LRRC38: variants seen among roughly 807,000 people sequenced by gnomAD.
LRRC38 encodes the protein leucine-rich repeat-containing protein 38.
In LRRC38, 5 loss-of-function variants were observed where a neutral mutation model predicts 16.4. The observed-to-expected ratio is 0.31, with a 90% CI of 0.16 to 0.64. The LOEUF (loss-of-function observed/expected upper bound fraction) is 0.64, where lower values mean the gene tolerates loss of function less well. Ranked by LOEUF, LRRC38 falls within the 30% of genes least tolerant of loss-of-function variation. The pLI is 0.80. For missense variants in LRRC38, 341 were observed against 401.8 expected, an observed-to-expected ratio of 0.85 and a Z score of 1.29; for synonymous variants, 191 against 190.2, an observed-to-expected ratio of 1.00 and a Z score of -0.04.
At chr1:13,485,546 C>T (rs2999892) in intron 1 of LRRC38, among the ~76,000 whole-genome samples, 1,797 of 151,018 alleles carry the variant, frequency 0.012, 14 homozygotes, top group Non-Finnish European at 0.018. Flanking sequence ...TCAGCCTGGG[C>T]GAGAGCGAGA....
intron 1 of LRRC38, among the ~76,000 whole-genome samples, chr1:13,490,097 T>C (rs1638990561): frequency 6.6e-6 from 1 of 152,160 alleles, no homozygotes; most frequent in Non-Finnish European, 1.5e-5. Flanking sequence ...CATGTGATTT[T>C]TGTAATCTGT....
intron 1 of LRRC38, among the ~76,000 whole-genome samples, chr1:13,491,604 A>C (rs1639013403): frequency 6.6e-6 from 1 of 152,250 alleles, no homozygotes. Flanking sequence ...AGGTAGCTTC[A>C]TGCTAGAGAA....
At chr1:13,484,115 C>T (rs921361412) in intron 1 of LRRC38, among the ~76,000 whole-genome samples, 1 of 152,150 alleles carries the variant, frequency 6.6e-6, no homozygotes, top group African/African-American at 2.4e-5. Context: ...TCCACTCCGC[C>T]TTGCTTGCCG....
At chr1:13,495,945 A>G (rs11578529) in intron 1 of LRRC38, among the ~76,000 whole-genome samples, 23,131 of 151,982 alleles carry the variant, frequency 0.15, 1,950 homozygotes, top group East Asian at 0.26. Flanking sequence ...TTGAACATCA[A>G]TTTTCCTATA....
intron 1 of LRRC38, among the ~76,000 whole-genome samples, chr1:13,507,934 A>T (rs908945183): frequency 1.7e-4 from 26 of 149,716 alleles, no homozygotes; most frequent in Non-Finnish European, 3.1e-4. Context: ...TCAGGGGTTT[A>T]AAAAAAAAGC....
intron 1 of LRRC38, among the ~76,000 whole-genome samples, chr1:13,493,695 C>T (rs1569925311): frequency 6.6e-6 from 1 of 152,080 alleles, no homozygotes; most frequent in East Asian, 1.9e-4. Flanking sequence ...TGGGGACGTG[C>T]CTGAGAGCCG....
At chr1:13,479,811 A>AG (rs900924301) in intron 1 of LRRC38, among the ~76,000 whole-genome samples, 1 of 111,782 alleles carries the variant, frequency 8.9e-6, no homozygotes, top group African/African-American at 3.0e-5. Flanking sequence ...AGCTGGCTAC[A>AG]AAGGCTGTGA....
intron 1 of LRRC38, among the ~76,000 whole-genome samples, chr1:13,500,816 G>C (rs143164583): frequency 2.0e-5 from 3 of 152,278 alleles, no homozygotes; most frequent in Admixed American, 6.5e-5. Flanking sequence ...GTGAACGCCA[G>C]AAAGCATACG....
intron 1 of LRRC38, 39 bp downstream of exon 1, chr1:13,512,924 C>CCCT (rs1557507420): frequency 4.1e-6 from 5 of 1,216,066 alleles, no homozygotes; most frequent in Admixed American, 2.3e-5. Context: ...TCTCCCTGCC[C>CCCT]CCCTCCCTCC....
In LRRC38 at chr1:13,513,646, G is replaced by A. The variant is rs1639304297; in HGVS notation, c.-53C>T. 9.7e-7 allele frequency: 1 copy of A among 1,033,546 alleles called. No individual in the cohort carries two copies. Among genetic ancestry groups the A allele is most frequent in the Non-Finnish European group, 1.2e-6 (1 of 862,176 alleles). 64.0% of individuals were successfully genotyped at this position (1,033,546 alleles called of 1,614,324 possible). A position where few individuals can be genotyped will look rare whatever the true frequency, so the allele number is the denominator to read the frequency against. On this transcript the variant is annotated 5_prime_UTR_variant, in exon 1 of 2. Coordinates refer to ENST00000376085, the MANE Select transcript of LRRC38 (RefSeq NM_001010847.2). ...GAGAAGGAAGCGGCTCTCGGAGCGA[G>A]CCCTGGCGCGGGACGGCGCGGTGAG...
Position 13,513,441 on chromosome 1 carries a change from T to C in LRRC38, c.153A>G (p.Pro51=). The C allele has an allele frequency of 1.3e-6, 2 of 1,549,070 alleles. No individual in the cohort carries two copies. The highest frequency in any genetic ancestry group is 1.2e-5 in the South Asian group (1 of 83,996). Residue 51 remains proline, a synonymous_variant, in exon 1 of 2, where the codon CCA becomes CCG. Coordinates refer to ENST00000376085, the MANE Select transcript of LRRC38 (RefSeq NM_001010847.2). ...DCRDRGLPSV[P]DPFPLDVRKL... ...TGCGCACGTCCAGGGGGAAAGGGTC[T>C]GGCACGCTGGGCAGCCCGCGGTCGC...
At chr1:13,488,589 T>A (rs10803367) in intron 1 of LRRC38, among the ~76,000 whole-genome samples, 23,673 of 152,058 alleles carry the variant, frequency 0.16, 1,896 homozygotes, top group East Asian at 0.24. Context: ...CTTAATTATT[T>A]CCCTAAGATA....
At chr1:13,510,467 C>G (rs937752261) in intron 1 of LRRC38, among the ~76,000 whole-genome samples, 2 of 152,178 alleles carry the variant, frequency 1.3e-5, no homozygotes, top group African/African-American at 4.8e-5. Context: ...ATAAATAATG[C>G]CCTTTTAATC....
Position 13,487,951 on chromosome 1 carries a change from G to A in LRRC38, c.632-11852C>T, listed in dbSNP as rs1277904855. On this transcript the variant is annotated intron_variant, in intron 1 of 1. Transcript: ENST00000376085. This position sits in a 1 kb window ranked among gnomAD's most constrained non-coding sequence, Gnocchi z 4.4. ...TAGGCAAAGCTCACATATATACTGA[G>A]ACAATAAAAATAATCAAAAACAAGG... Among the ~76,000 whole-genome samples, 3 of 151,648 alleles carry A rather than the reference G, an allele frequency of 2.0e-5. No homozygotes were observed. The highest frequency in any genetic ancestry group is 4.4e-5 in the Non-Finnish European group (3 of 67,942).
At chr1:13,503,949 C>T (rs909559650) in intron 1 of LRRC38, among the ~76,000 whole-genome samples, 1 of 152,202 alleles carries the variant, frequency 6.6e-6, no homozygotes, top group Non-Finnish European at 1.5e-5. Context: ...AATTGGCAGC[C>T]TCCGACGTGC....
At chr1:13,506,758 C>T (rs1334254081) in intron 1 of LRRC38, among the ~76,000 whole-genome samples, 1 of 152,208 alleles carries the variant, frequency 6.6e-6, no homozygotes, top group Non-Finnish European at 1.5e-5. Context: ...CACGCCTGGC[C>T]CTGATGCATT....
intron 1 of LRRC38, 41 bp downstream of exon 1, chr1:13,512,922 C>CCCCCCG: frequency 8.2e-7 from 1 of 1,218,340 alleles, no homozygotes. Context: ...CCTCTCCCTG[C>CCCCCCG]CCCCCTCCCT....
intron 1 of LRRC38, among the ~76,000 whole-genome samples, chr1:13,486,588 C>CT (rs34927682): frequency 0.071 from 9,009 of 127,630 alleles, 1,412 homozygotes; most frequent in African/African-American, 0.26. Flanking sequence ...CTTGGTGTAC[C>CT]TTTTTTTTTT....
chr1:13,508,352 A>C (rs1279556301), intron 1 of LRRC38, among the ~76,000 whole-genome samples: 2 of 152,242 alleles, frequency 1.3e-5, no homozygotes, highest in Non-Finnish European at 2.9e-5. Context: ...CTGCCTACAT[A>C]CAAAAAATAA....
Sources: gnomAD v4.1 joint callset for allele counts (sites outside exome capture counted in the v4.1 genomes callset) on GRCh38, gnomAD v4.1.1 for gene constraint, Gnocchi (gnomAD v3.1) non-coding constraint, MANE v1.5 for transcripts, NCBI Gene and HGNC (gene_info 2026-07-23, HGNC 2026-07-21) for gene names.